PPIH: variants seen among roughly 807,000 people sequenced by gnomAD.
PPIH encodes peptidylprolyl isomerase H, also known as peptidyl-prolyl cis-trans isomerase H.
A neutral mutation model predicts 27.6 loss-of-function variants in PPIH; 16 were observed. The ratio of observed to expected loss-of-function variants is 0.58; its 90% CI spans 0.39 to 0.88. The LOEUF (loss-of-function observed/expected upper bound fraction) is 0.88. Ranked by LOEUF, PPIH falls within the 40% of genes least tolerant of loss-of-function variation. The pLI is 0.00. For missense variants in PPIH, 155 were observed against 224.1 expected (o/e 0.69, Z 1.97); for synonymous variants, 63 against 76.1 (o/e 0.83, Z 0.90).
intron 6 of PPIH, among the ~76,000 whole-genome samples, 155 bp downstream of exon 6, chr1:42,665,110 G>T (rs1649256715): frequency 6.6e-6 from 1 of 152,114 alleles, no homozygotes; most frequent in Admixed American, 6.6e-5. Context: ...AGTCTGGTTT[G>T]ACTGAGAAAA....
chr1:42,669,166 C>T (rs548941269), intron 9 of PPIH, among the ~76,000 whole-genome samples: 46 of 145,664 alleles, frequency 3.2e-4, no homozygotes, highest in African/African-American at 1.1e-3. Flanking sequence ...GCTATAATCA[C>T]ACCACTGTAC....
chr1:42,677,181 G>T (rs1649916789), downstream of PPIH, among the ~76,000 whole-genome samples: 2 of 152,196 alleles, frequency 1.3e-5, no homozygotes, highest in Admixed American at 1.3e-4. Flanking sequence ...CTTAGAAAAT[G>T]TTAGTTTTGG....
intron 5 of PPIH, 89 bp from the exon 6 acceptor site, chr1:42,664,774 T>G: frequency 3.2e-5 from 31 of 981,490 alleles, no homozygotes; most frequent in Non-Finnish European, 4.8e-5. Flanking sequence ...ACTTTAAAGA[T>G]GTCATGCTTT....
intron 4 of PPIH, among the ~76,000 whole-genome samples, chr1:42,659,779 C>A (rs1244656346): frequency 2.0e-5 from 3 of 152,216 alleles, no homozygotes; most frequent in African/African-American, 4.8e-5. Flanking sequence ...CTCATCTTTA[C>A]AATATCTTGT....
intron 9 of PPIH, among the ~76,000 whole-genome samples, chr1:42,673,055 C>T (rs1315287492): frequency 6.6e-6 from 1 of 151,832 alleles, no homozygotes; most frequent in Admixed American, 6.6e-5. Context: ...AGTGCAGTGG[C>T]GCAGTCACAG....
intron 5 of PPIH, among the ~76,000 whole-genome samples, chr1:42,661,229 A>G (rs1210704832): frequency 6.6e-6 from 1 of 152,230 alleles, no homozygotes; most frequent in Non-Finnish European, 1.5e-5. Context: ...TATGAAACTT[A>G]GTCAGAAATC....
At chr1:42,680,829 AAGTC>A (rs1229230308), downstream of PPIH, among the ~76,000 whole-genome samples, 5 of 152,226 alleles carry the variant, frequency 3.3e-5, no homozygotes, top group Non-Finnish European at 7.3e-5. Context: ...CCTGAGTAGT[AAGTC>A]AGAACCATAT....
chr1:42,668,552 A>G (rs1323173370), intron 9 of PPIH, among the ~76,000 whole-genome samples: 2 of 152,050 alleles, frequency 1.3e-5, no homozygotes, highest in African/African-American at 4.8e-5. Flanking sequence ...ACATTTTCAA[A>G]CCTCCCCAAT....
In PPIH at chr1:42,665,963, T is replaced by C; in HGVS notation, c.337-17T>C. The stretch of plus-strand genomic sequence containing the variant: ...TGGCCGGGGAAACTTACTGCAGGTA[T>C]ATTTGGTTTCCATCAGGCGAACAGT... On this transcript the variant is annotated splice_polypyrimidine_tract_variant and intron_variant, in intron 6 of 9. Coordinates refer to ENST00000304979, the MANE Select transcript of PPIH (RefSeq NM_006347.4). The C allele has an allele frequency of 4.4e-6, 7 of 1,608,440 alleles. No individual in the cohort carries two copies. The highest frequency in any genetic ancestry group is 6.0e-6 in the Non-Finnish European group (7 of 1,174,770).
At position 42,659,244 on chromosome 1, in the gene PPIH, G is replaced by A. The variant is rs375438488; in HGVS notation, c.148G>A (p.Glu50Lys). The A allele has an allele frequency of 2.5e-6, 4 of 1,614,196 alleles. No individual in the cohort carries two copies. The highest frequency in any genetic ancestry group is 3.4e-6 in the Non-Finnish European group (4 of 1,180,040). The change falls in exon 3 of 10, where the codon GAA (glutamate) becomes AAA (lysine). Residue 50 changes from glutamate to lysine, a missense_variant. By Grantham distance (56) the Glu-to-Lys change is moderately conservative. Transcript: ENST00000304979. ...AENFRQFCTG[E>K]FRKDGVPIGY... ...CCCTTTCAGGCAGTTCTGCACCGGAGAATTCAGGTCAGTTTCAGATGTGTT... is the reference window on the plus strand; with the variant it reads ...CCCTTTCAGGCAGTTCTGCACCGGAAAATTCAGGTCAGTTTCAGATGTGTT...
At chr1:42,668,663 T>C (rs1649472410) in intron 9 of PPIH, among the ~76,000 whole-genome samples, 1 of 152,190 alleles carries the variant, frequency 6.6e-6, no homozygotes, top group East Asian at 1.9e-4. Flanking sequence ...TACACTCTCA[T>C]TGTGAAAACT....
At chr1:42,665,338 G>A (rs1649271588) in intron 6 of PPIH, among the ~76,000 whole-genome samples, 1 of 152,102 alleles carries the variant, frequency 6.6e-6, no homozygotes, top group Non-Finnish European at 1.5e-5. Context: ...CCAGGACGGG[G>A]AAGTTGCAGT....
chr1:42,668,536 T>C (rs1204709278), intron 9 of PPIH, among the ~76,000 whole-genome samples: 1 of 152,164 alleles, frequency 6.6e-6, no homozygotes, highest in African/African-American at 2.4e-5. Context: ...TTATCTAATA[T>C]ATAGTACATT....
intron 8 of PPIH, 125 bp from the exon 9 acceptor site, chr1:42,667,226 C>T (rs1432363339): frequency 2.6e-6 from 2 of 759,756 alleles, no homozygotes; most frequent in East Asian, 2.7e-5. Context: ...TACCTGTCTG[C>T]CAGGACATGG....
chr1:42,659,271 G>T lies in PPIH; in HGVS notation c.155+20G>T, dbSNP rs1342876098. ...ATTCAGGTCAGTTTCAGATGTGTTT[G>T]ACTTCTTTGCCTGCTCCAGAGGGGT... On this transcript the variant is annotated intron_variant, in intron 3 of 9. Coordinates refer to ENST00000304979, the MANE Select transcript of PPIH (RefSeq NM_006347.4). 1 of 1,614,174 alleles carries T rather than the reference G, an allele frequency of 6.2e-7. No individual in the cohort carries two copies. The highest frequency in any genetic ancestry group is 8.5e-7 in the Non-Finnish European group (1 of 1,180,022).
intron 9 of PPIH, among the ~76,000 whole-genome samples, chr1:42,676,159 G>A (rs1472574779): frequency 2.0e-5 from 3 of 152,166 alleles, no homozygotes; most frequent in Admixed American, 2.0e-4. Flanking sequence ...GGGAAAAGAG[G>A]ATTAGGAGTG....
intron 9 of PPIH, among the ~76,000 whole-genome samples, chr1:42,668,284 T>A (rs970672112): frequency 6.6e-6 from 1 of 152,210 alleles, no homozygotes; most frequent in Non-Finnish European, 1.5e-5. Flanking sequence ...GTTTTATTGC[T>A]TTGCCTTGAC....
intron 9 of PPIH, among the ~76,000 whole-genome samples, chr1:42,675,711 TG>T (rs1389456362): frequency 6.6e-6 from 1 of 152,208 alleles, no homozygotes; most frequent in Non-Finnish European, 1.5e-5. Context: ...AGTATCTGGG[TG>T]TACTTACTCT....
chr1:42,660,765 G>C, intron 4 of PPIH, 97 bp from the exon 5 acceptor site: 1 of 1,065,300 alleles, frequency 9.4e-7, no homozygotes, highest in South Asian at 1.6e-5. Context: ...AAGTGATAGT[G>C]TATTTTGAAA....
Sources: allele counts gnomAD v4.1 joint callset (sites outside exome capture counted in the v4.1 genomes callset), GRCh38; gene constraint gnomAD v4.1.1; transcripts MANE v1.5; gene names NCBI Gene and HGNC (gene_info 2026-07-23, HGNC 2026-07-21).